The following SLC2A9 variants were observed in gnomAD, a reference collection of about 807,000 sequenced individuals.
The protein encoded by SLC2A9 is solute carrier family 2, facilitated glucose transporter member 9.
In SLC2A9, 39 loss-of-function variants were observed where a neutral mutation model predicts 50.6. That is an observed-to-expected ratio of 0.77 (90% CI 0.60 to 1.01). The LOEUF is 1.01. Ranked by LOEUF, SLC2A9 falls within the 50% of genes least tolerant of loss-of-function variation. SLC2A9 has a pLI of 0.00. For synonymous variants in SLC2A9, 324 were observed against 276.9 expected (o/e 1.17, Z -1.69); for missense variants, 686 against 677.6 (o/e 1.01, Z -0.14).
At chr4:10,017,881 A>T (rs560088629) in intron 2 of SLC2A9, among the ~76,000 whole-genome samples, 2 of 151,626 alleles carry the variant, frequency 1.3e-5, no homozygotes, top group South Asian at 4.2e-4. Context: ...TGTCTCCAAA[A>T]CGGCCTGTGC....
chr4:9,935,812 G>A (rs1359477988), intron 6 of SLC2A9, among the ~76,000 whole-genome samples: 4 of 152,120 alleles, frequency 2.6e-5, no homozygotes, highest in South Asian at 2.1e-4. Context: ...TCACGCTGGG[G>A]GCTTAACAGT....
chr4:9,853,701 C>G (rs750920936), intron 10 of SLC2A9, among the ~76,000 whole-genome samples: 2 of 152,114 alleles, frequency 1.3e-5, no homozygotes, highest in Non-Finnish European at 2.9e-5. Flanking sequence ...AATAGACATT[C>G]TTCTCATTTG....
At chr4:9,890,467 G>C (rs1737169040) in intron 9 of SLC2A9, 143 bp downstream of exon 9, 2 of 809,822 alleles carry the variant, frequency 2.5e-6, no homozygotes, top group Non-Finnish European at 4.2e-6. Context: ...AGCAGCTCCA[G>C]AGATGAGATG....
At chr4:9,894,174 A>G (rs1738079409) in intron 8 of SLC2A9, among the ~76,000 whole-genome samples, 3 of 152,224 alleles carry the variant, frequency 2.0e-5, no homozygotes, top group Admixed American at 1.3e-4. Flanking sequence ...CTGGGGAAAT[A>G]GAAATAATCT....
intron 8 of SLC2A9, among the ~76,000 whole-genome samples, chr4:9,895,394 C>A (rs1031108534): frequency 2.0e-5 from 3 of 152,230 alleles, no homozygotes; most frequent in Non-Finnish European, 4.4e-5. Flanking sequence ...AGTTAAAGTG[C>A]AGCCTGTTGG....
chr4:10,025,942 C>G, upstream of SLC2A9: 1 of 1,613,868 alleles, frequency 6.2e-7, no homozygotes, highest in Non-Finnish European at 8.5e-7. Flanking sequence ...TCATCTTCTC[C>G]TCGGTCCTTT....
chr4:9,931,970 A>ATG (rs1746177135), intron 6 of SLC2A9, among the ~76,000 whole-genome samples: 2 of 41,868 alleles, frequency 4.8e-5, no homozygotes, highest in Non-Finnish European at 8.0e-5. Flanking sequence ...CTCTATATAT[A>ATG]TATATATATA....
intron 1 of SLC2A9, among the ~76,000 whole-genome samples, chr4:9,771,785 T>A (rs1417763579): frequency 6.6e-6 from 1 of 152,182 alleles, no homozygotes; most frequent in Non-Finnish European, 1.5e-5. Context: ...GAGATCCTGG[T>A]GTGCATTGGT....
At chr4:9,917,648 T>TA (rs1474777583) in intron 7 of SLC2A9, among the ~76,000 whole-genome samples, 1 of 152,206 alleles carries the variant, frequency 6.6e-6, no homozygotes, top group African/African-American at 2.4e-5. Context: ...GAGTGACTTC[T>TA]AAAGTACGTG....
At chr4:9,965,489 T>C (rs897947218) in intron 5 of SLC2A9, among the ~76,000 whole-genome samples, 19 of 152,204 alleles carry the variant, frequency 1.2e-4, no homozygotes, top group African/African-American at 4.6e-4. Flanking sequence ...AGAGCTGCCA[T>C]CCTTAAGCAA....
intron 3 of SLC2A9, among the ~76,000 whole-genome samples, chr4:9,818,083 G>A (rs780387810): frequency 1.2e-4 from 19 of 152,228 alleles, no homozygotes; most frequent in East Asian, 5.8e-4. Flanking sequence ...CCTCCTTGTC[G>A]GAGGCCCAGC....
At chr4:10,023,363 C>T (rs945131421), upstream of SLC2A9, among the ~76,000 whole-genome samples, 1 of 152,158 alleles carries the variant, frequency 6.6e-6, no homozygotes, top group Non-Finnish European at 1.5e-5. Flanking sequence ...CTGATAGGGA[C>T]TGCATTTTCA....
intron 6 of SLC2A9, among the ~76,000 whole-genome samples, chr4:9,940,850 A>C (rs929566359): frequency 8.5e-5 from 13 of 152,250 alleles, no homozygotes; most frequent in African/African-American, 2.7e-4. Flanking sequence ...TTGTATATAT[A>C]ATTCTCAAGT....
chr4:9,896,971 C>T (rs972846126), intron 8 of SLC2A9, among the ~76,000 whole-genome samples: 8 of 152,114 alleles, frequency 5.3e-5, no homozygotes, highest in Non-Finnish European at 1.0e-4. Context: ...TTGCTATGTA[C>T]CAGGAATGGT....
chr4:9,881,267 T>G (rs1735160955), intron 10 of SLC2A9, among the ~76,000 whole-genome samples: 1 of 152,264 alleles, frequency 6.6e-6, no homozygotes, highest in Admixed American at 6.5e-5. Flanking sequence ...GCCCTAGCCC[T>G]CCAAGATTAT....
intron 3 of SLC2A9, chr4:9,783,478 C>G: frequency 6.3e-7 from 1 of 1,583,546 alleles, no homozygotes; most frequent in Admixed American, 1.7e-5. Context: ...CATTAAGAAA[C>G]CCCCTCATGG....
At chr4:9,860,086 C>T (rs1250924735) in intron 10 of SLC2A9, among the ~76,000 whole-genome samples, 1 of 152,138 alleles carries the variant, frequency 6.6e-6, no homozygotes, top group Non-Finnish European at 1.5e-5. Context: ...GGAGTGAGAA[C>T]AGCCCGCAGT....
chr4:9,777,955 C>T (rs181030592), downstream of SLC2A9, among the ~76,000 whole-genome samples: 99 of 152,258 alleles, frequency 6.5e-4, no homozygotes, highest in East Asian at 4.6e-3. Flanking sequence ...ATCCATGTTG[C>T]CCAGTCTCCA....
At chr4:9,788,844 T>A (rs533781382) in intron 3 of SLC2A9, among the ~76,000 whole-genome samples, 1 of 152,352 alleles carries the variant, frequency 6.6e-6, no homozygotes, top group East Asian at 1.9e-4. Flanking sequence ...GTCAGACTCA[T>A]CTTGTATATT....
Sources: gnomAD v4.1 joint callset for allele counts (sites outside exome capture counted in the v4.1 genomes callset) on GRCh38, gnomAD v4.1.1 for gene constraint, MANE v1.5 for transcripts, NCBI Gene and HGNC (gene_info 2026-07-23, HGNC 2026-07-21) for gene names.